Variants in MYO3B observed in about 807,000 individuals in gnomAD.
MYO3B encodes myosin IIIB.
In MYO3B, 156 loss-of-function variants were observed where a neutral mutation model predicts 174.6. The ratio of observed to expected loss-of-function variants is 0.89; its 90% confidence interval spans 0.78 to 1.02. The LOEUF (loss-of-function observed/expected upper bound fraction) is 1.02. Ranked by LOEUF, MYO3B falls within the 50% of genes least tolerant of loss-of-function variation. The pLI is 0.00. For missense variants in MYO3B, 1,632 were observed against 1,639.4 expected (o/e 1.00, Z 0.08); for synonymous variants, 563 against 569.1 (o/e 0.99, Z 0.15).
intron 12 of MYO3B, among the ~76,000 whole-genome samples, chr2:170,384,950 C>A (rs2094362911): frequency 6.6e-6 from 1 of 152,156 alleles, no homozygotes; most frequent in Admixed American, 6.5e-5. Flanking sequence ...ATCTGCCCAG[C>A]CGAATACCAG....
chr2:170,382,593 A>G (rs982489510), intron 10 of MYO3B: 9 of 170,000 alleles, frequency 5.3e-5, no homozygotes, highest in African/African-American at 2.2e-4. Flanking sequence ...TGCTGAGTCT[A>G]ACTCTGGGGA....
chr2:170,560,820 A>G (rs1315595899), intron 32 of MYO3B, among the ~76,000 whole-genome samples: 1 of 152,288 alleles, frequency 6.6e-6, no homozygotes, highest in African/African-American at 2.4e-5. Flanking sequence ...CTCTTAACTG[A>G]TTTGTCCTCC....
chr2:170,235,856 C>G, intron 6 of MYO3B, 135 bp from the exon 7 acceptor site: 1 of 1,009,874 alleles, frequency 9.9e-7, no homozygotes, highest in Non-Finnish European at 1.5e-6. Context: ...CTAGAATGCA[C>G]ACATCTTATT....
intron 8 of MYO3B, among the ~76,000 whole-genome samples, chr2:170,368,915 C>T (rs190293309): frequency 3.3e-4 from 50 of 152,174 alleles, no homozygotes; most frequent in South Asian, 4.1e-4. Context: ...AATGAAAATG[C>T]GGATAGAAAA....
intron 6 of MYO3B, among the ~76,000 whole-genome samples, chr2:170,221,259 T>G (rs2092897497): frequency 6.6e-6 from 1 of 152,170 alleles, no homozygotes; most frequent in Admixed American, 6.5e-5. Context: ...ATAAGAGCAT[T>G]GCAGATGACT....
chr2:170,592,608 C>A (rs1693886274), intron 32 of MYO3B, among the ~76,000 whole-genome samples: 1 of 152,194 alleles, frequency 6.6e-6, no homozygotes, highest in Non-Finnish European at 1.5e-5. Flanking sequence ...CAGGCCCTGT[C>A]CCTGGGTGCT....
In MYO3B at chr2:170,511,989, T is replaced by C. The variant is rs537868028; in HGVS notation, c.3371-2932T>C. Among the ~76,000 whole-genome samples the C allele has an allele frequency of 3.9e-4, 60 of 152,288 alleles. 1 individual carries two copies. The South Asian group carries it at 0.012, about 29-fold the overall frequency. ...GAAGGAAGGGGAATTCCCCAGACAA[T>C]GCTGTTTCAGGACAAGCAAGAAACT... On this transcript the variant is annotated intron_variant, in intron 28 of 34. Transcript: ENST00000408978.
chr2:170,203,150 T>C (rs2092680112), intron 3 of MYO3B, among the ~76,000 whole-genome samples: 1 of 152,162 alleles, frequency 6.6e-6, no homozygotes, highest in Non-Finnish European at 1.5e-5. Context: ...TAAAAATCTA[T>C]AAGTCCGCCT....
intron 8 of MYO3B, among the ~76,000 whole-genome samples, chr2:170,337,624 C>T (rs1168056938): frequency 6.6e-6 from 1 of 152,180 alleles, no homozygotes; most frequent in Non-Finnish European, 1.5e-5. Flanking sequence ...GGGGTGCTGA[C>T]TACCCCCCAC....
At chr2:170,416,161 C>T (rs1365812954) in intron 22 of MYO3B, among the ~76,000 whole-genome samples, 1 of 151,880 alleles carries the variant, frequency 6.6e-6, no homozygotes, top group Non-Finnish European at 1.5e-5. Context: ...TGCAGCATCG[C>T]TCACCTGAAC....
intron 29 of MYO3B, among the ~76,000 whole-genome samples, chr2:170,515,957 G>A (rs1372307614): frequency 2.6e-5 from 4 of 152,102 alleles, no homozygotes; most frequent in African/African-American, 9.7e-5. Context: ...ACTTGGGGAT[G>A]GAGACAATGA....
At chr2:170,273,626 G>T (rs926936460) in intron 7 of MYO3B, among the ~76,000 whole-genome samples, 34 of 151,954 alleles carry the variant, frequency 2.2e-4, no homozygotes, top group African/African-American at 8.0e-4. Context: ...TTCCTCTCAC[G>T]TACTTCATCT....
At chr2:170,557,797 C>T (rs1691430640) in intron 32 of MYO3B, among the ~76,000 whole-genome samples, 1 of 152,118 alleles carries the variant, frequency 6.6e-6, no homozygotes, top group Non-Finnish European at 1.5e-5. Context: ...TAAGCTTACT[C>T]CAAAACTCAG....
chr2:170,456,969 A>G (rs1268318390), intron 23 of MYO3B, among the ~76,000 whole-genome samples: 1 of 152,246 alleles, frequency 6.6e-6, no homozygotes, highest in Non-Finnish European at 1.5e-5. Context: ...CTGTGAGACT[A>G]CAAACCTGTA....
chr2:170,310,337 G>A (rs933701206), intron 7 of MYO3B, among the ~76,000 whole-genome samples: 5 of 152,042 alleles, frequency 3.3e-5, no homozygotes, highest in African/African-American at 4.8e-5. Context: ...ATACATTTTA[G>A]GGAGGCATAA....
At chr2:170,618,814 T>A (rs952309165) in intron 32 of MYO3B, among the ~76,000 whole-genome samples, 1 of 151,526 alleles carries the variant, frequency 6.6e-6, no homozygotes, top group African/African-American at 2.4e-5. Flanking sequence ...CATTTGTATG[T>A]AGAAGTACAG....
chr2:170,463,522 G>A (rs760063774), intron 24 of MYO3B, 77 bp downstream of exon 24: 1 of 1,284,146 alleles, frequency 7.8e-7, no homozygotes, highest in Non-Finnish European at 1.1e-6. Context: ...ATGCCCAGAT[G>A]GAGTCAGTGA....
intron 7 of MYO3B, among the ~76,000 whole-genome samples, chr2:170,302,944 T>C (rs983486850): frequency 2.0e-5 from 3 of 152,216 alleles, no homozygotes; most frequent in Non-Finnish European, 4.4e-5. Context: ...TGTTTTCTAC[T>C]TGAACATTTA....
In MYO3B at chr2:170,199,294, T is replaced by C. The variant is rs760885958; in HGVS notation, c.89T>C (p.Ile30Thr). 1.4e-5 allele frequency: 23 copies of C among 1,613,474 alleles called. No individual in the cohort carries two copies. Among genetic ancestry groups the C allele is most frequent in the East Asian group, 2.2e-5 (1 of 44,838 alleles). The change falls in exon 2 of 35, where the codon ATA becomes ACA. Residue 30 changes from isoleucine to threonine, a missense_variant. Coordinates refer to ENST00000408978, the MANE Select transcript of MYO3B (RefSeq NM_138995.5). Reference protein sequence around the residue: ...LPDPTDTWEIIETIGKGTYGK... With the variant: ...LPDPTDTWEITETIGKGTYGK... ...GATCCCACAGACACCTGGGAAATTA[T>C]AGAGACCATTGGTAAAGGCACCTAT... is the stretch of plus-strand genomic sequence containing the variant.
Sources: gnomAD v4.1 joint callset for allele counts (sites outside exome capture counted in the v4.1 genomes callset) on GRCh38, gnomAD v4.1.1 for gene constraint, MANE v1.5 for transcripts, NCBI Gene and HGNC (gene_info 2026-07-23, HGNC 2026-07-21) for gene names.